The following KIAA1217 variants were observed in gnomAD, a reference collection of about 807,000 sequenced individuals.
KIAA1217 encodes the protein sickle tail protein homolog.
Under a neutral mutation model 163.9 loss-of-function variants are expected in KIAA1217, and 88 were observed. The ratio of observed to expected loss-of-function variants is 0.54; its 90% CI spans 0.45 to 0.64. The LOEUF (loss-of-function observed/expected upper bound fraction) is 0.64, where lower values mean the gene tolerates loss of function less well. KIAA1217 is among the 30% of genes least tolerant of loss of function. The probability of loss-of-function intolerance (pLI) is 0.00; values close to 1 mark genes in which losing one functional copy is unlikely to be tolerated. For missense variants in KIAA1217, 2,372 were observed against 2,475.0 expected (o/e 0.96, Z 0.88); for synonymous variants, 903 against 923.1 (o/e 0.98, Z 0.39).
intron 5 of KIAA1217, among the ~76,000 whole-genome samples, chr10:24,440,731 C>G (rs1222407744): frequency 1.3e-5 from 2 of 152,206 alleles, no homozygotes; most frequent in Non-Finnish European, 2.9e-5. Flanking sequence ...GAAACTCAAT[C>G]ATTGTCCCCA....
intron 1 of KIAA1217, among the ~76,000 whole-genome samples, chr10:23,863,234 G>T (rs747473554): frequency 6.6e-6 from 1 of 152,046 alleles, no homozygotes; most frequent in African/African-American, 2.4e-5. Flanking sequence ...GCATATTAAC[G>T]ATTGTTACAT....
chr10:23,758,377 G>C (rs1445859182), intron 1 of KIAA1217, among the ~76,000 whole-genome samples: 1 of 152,080 alleles, frequency 6.6e-6, no homozygotes, highest in Non-Finnish European at 1.5e-5. Flanking sequence ...TATATGCAAG[G>C]GTTTATTTCT....
intron 8 of KIAA1217, among the ~76,000 whole-genome samples, chr10:24,495,776 A>G (rs776294830): frequency 2.0e-5 from 3 of 152,230 alleles, no homozygotes; most frequent in Non-Finnish European, 4.4e-5. Context: ...AGTAGCCAAT[A>G]AGGAATGACC....
At chr10:23,943,703 T>C (rs372595101) in intron 1 of KIAA1217, among the ~76,000 whole-genome samples, 2 of 152,224 alleles carry the variant, frequency 1.3e-5, no homozygotes, top group African/African-American at 4.8e-5. Context: ...GGAAAATCCA[T>C]ACTACCTGAT....
intron 1 of KIAA1217, among the ~76,000 whole-genome samples, chr10:23,904,299 G>A (rs182868589): frequency 1.3e-4 from 20 of 152,260 alleles, no homozygotes; most frequent in Admixed American, 6.5e-4. Flanking sequence ...TGCTTTAGCT[G>A]TAGTCTTCTC....
chr10:23,981,472 T>C (rs1358358996), intron 1 of KIAA1217, among the ~76,000 whole-genome samples: 5 of 152,216 alleles, frequency 3.3e-5, no homozygotes, highest in Non-Finnish European at 7.3e-5. Context: ...TGGTGACCTT[T>C]AATTCAAAGG....
intron 2 of KIAA1217, among the ~76,000 whole-genome samples, chr10:24,096,996 C>G (rs2062189673): frequency 6.6e-6 from 1 of 152,086 alleles, no homozygotes; most frequent in Admixed American, 6.5e-5. Flanking sequence ...GAGTAACACA[C>G]AGTACAATAC....
chr10:23,757,064 A>T (rs964438621), intron 1 of KIAA1217, among the ~76,000 whole-genome samples: 4 of 152,166 alleles, frequency 2.6e-5, no homozygotes, highest in Admixed American at 6.5e-5. Context: ...CTACTTTTTT[A>T]AGGTTGAATA....
intron 2 of KIAA1217, among the ~76,000 whole-genome samples, chr10:24,371,940 C>G (rs2051706499): frequency 6.6e-6 from 1 of 152,140 alleles, no homozygotes; most frequent in Admixed American, 6.6e-5. Flanking sequence ...CCTAAGCAAT[C>G]TAATGCAGAA....
At chr10:24,206,547 C>T (rs1474582499), upstream of KIAA1217, among the ~76,000 whole-genome samples, 1 of 152,142 alleles carries the variant, frequency 6.6e-6, no homozygotes, top group East Asian at 1.9e-4. Flanking sequence ...GGTGCAAGGG[C>T]AAATAGAGTG....
chr10:24,433,073 G>T lies in KIAA1217; in HGVS notation c.632G>T (p.Arg211Leu), dbSNP rs753180281. Reference protein sequence around the residue: ...PNEITSADTIRALFVSAFPQQ... With the variant: ...PNEITSADTILALFVSAFPQQ... ...GAAATCACAAGTGCAGACACAATCC[G>T]TGCTCTCTTCGTAAGTGCCTTTCCA... The change falls in exon 4 of 21, where the codon CGT (arginine) becomes CTT (leucine). Residue 211 changes from arginine to leucine, a missense_variant. Physicochemically the swap from Arg to Leu is moderately radical, Grantham distance 102. This residue lies in a region of KIAA1217 where 1,431 missense variants were observed against 1,470.3 expected (regional missense o/e 0.97). Coordinates refer to ENST00000376454, the MANE Select transcript of KIAA1217 (RefSeq NM_019590.5). The T allele has an allele frequency of 6.2e-6, 10 of 1,614,092 alleles. No individual in the cohort carries two copies. In the South Asian group the frequency reaches 8.8e-5, roughly 14 times the overall value.
intron 6 of KIAA1217, among the ~76,000 whole-genome samples, chr10:24,483,826 A>T (rs1275420867): frequency 6.6e-6 from 1 of 152,216 alleles, no homozygotes; most frequent in Non-Finnish European, 1.5e-5. Flanking sequence ...CTCAGGGAAG[A>T]GAAAGAAAAT....
At chr10:24,147,079 G>A (rs1388786764) in intron 2 of KIAA1217, among the ~76,000 whole-genome samples, 4 of 150,206 alleles carry the variant, frequency 2.7e-5, no homozygotes, top group Non-Finnish European at 5.9e-5. Flanking sequence ...ATGATTTGGT[G>A]AGGCCCCAGG....
chr10:24,416,637 A>G (rs531267986), intron 3 of KIAA1217, among the ~76,000 whole-genome samples: 1 of 152,306 alleles, frequency 6.6e-6, no homozygotes, highest in East Asian at 1.9e-4. Flanking sequence ...AGGATGCCAG[A>G]TTTGATTTTA....
At chr10:24,006,198 A>G (rs998883130) in intron 1 of KIAA1217, among the ~76,000 whole-genome samples, 1 of 152,224 alleles carries the variant, frequency 6.6e-6, no homozygotes, top group Non-Finnish European at 1.5e-5. Context: ...TGAGTATTTC[A>G]GGGTGAAAAC....
intron 2 of KIAA1217, among the ~76,000 whole-genome samples, chr10:24,169,774 TG>T (rs1449513634): frequency 6.6e-6 from 1 of 152,134 alleles, no homozygotes; most frequent in African/African-American, 2.4e-5. Flanking sequence ...TCTCCCAGTC[TG>T]GGTCATCATC....
chr10:23,976,047 T>C (rs1845526898), intron 1 of KIAA1217, among the ~76,000 whole-genome samples: 1 of 152,066 alleles, frequency 6.6e-6, no homozygotes, highest in Admixed American at 6.6e-5. Flanking sequence ...ATTCAGAGAC[T>C]CCCAGCTCAA....
chr10:24,154,262 A>C lies in KIAA1217; in HGVS notation c.-170-65364A>C, dbSNP rs1468837483. Among the ~76,000 whole-genome samples, 30 of 152,110 alleles carry C rather than the reference A, an allele frequency of 2.0e-4. No individual in the cohort carries two copies. The East Asian group carries it at 5.7e-3, about 29-fold the overall frequency. On this transcript the variant is annotated intron_variant, in intron 2 of 18. Coordinates refer to the KIAA1217 transcript ENST00000376462. ...GTGAGCCACCCCGCCCGGCCAAAAA[A>C]TAATTTTTTAAAAAAAGTAGCCAGA...
chr10:24,512,695 C>T (rs529506512), intron 9 of KIAA1217, among the ~76,000 whole-genome samples: 13 of 152,290 alleles, frequency 8.5e-5, no homozygotes, highest in South Asian at 2.1e-4. Context: ...ACCATGTGAA[C>T]GAAAAGGACA....
Sources: gnomAD v4.1 joint callset for allele counts (sites outside exome capture counted in the v4.1 genomes callset) on GRCh38, gnomAD v4.1.1 for gene constraint, gnomAD v4.1.1 regional missense constraint, MANE v1.5 for transcripts, NCBI Gene and HGNC (gene_info 2026-07-23, HGNC 2026-07-21) for gene names.